TAOK3: variants seen among roughly 807,000 people sequenced by gnomAD.
The protein encoded by TAOK3 is serine/threonine-protein kinase TAO3.
A neutral mutation model predicts 120.4 loss-of-function variants in TAOK3; 40 were observed. That is an observed-to-expected ratio of 0.33 (90% CI 0.26 to 0.43). The LOEUF (loss-of-function observed/expected upper bound fraction) is 0.43. Ranked by LOEUF, TAOK3 falls within the 20% of genes least tolerant of loss-of-function variation. TAOK3 has a pLI of 1.00. For synonymous variants in TAOK3, 355 were observed against 387.5 expected (o/e 0.92, Z 0.99); for missense variants, 821 against 1,112.1 (o/e 0.74, Z 3.72).
At chr12:118,342,151 T>G (rs75355139) in intron 1 of TAOK3, among the ~76,000 whole-genome samples, 2,132 of 152,300 alleles carry the variant, frequency 0.014, 52 homozygotes, top group African/African-American at 0.049. Context: ...ATCACAGGAT[T>G]TCAGAGTTGG....
intron 1 of TAOK3, among the ~76,000 whole-genome samples, chr12:118,359,999 C>G (rs1176978386): frequency 1.3e-5 from 2 of 152,200 alleles, no homozygotes; most frequent in Non-Finnish European, 2.9e-5. Flanking sequence ...GGCGTGGTGG[C>G]TCACACCTGT....
intron 1 of TAOK3, among the ~76,000 whole-genome samples, chr12:118,361,324 G>T (rs879370909): frequency 1.4e-4 from 22 of 152,136 alleles, no homozygotes; most frequent in Non-Finnish European, 2.8e-4. Flanking sequence ...AGTAGGAATG[G>T]CTTTCATTTG....
intron 9 of TAOK3, among the ~76,000 whole-genome samples, chr12:118,217,900 C>T (rs2039016658): frequency 2.5e-5 from 3 of 121,750 alleles, no homozygotes; most frequent in Admixed American, 1.0e-4. Flanking sequence ...CTCGCTCTGT[C>T]ACCAGGGTGG....
chr12:118,259,815 C>G (rs1366276023), intron 2 of TAOK3, among the ~76,000 whole-genome samples: 1 of 152,018 alleles, frequency 6.6e-6, no homozygotes, highest in African/African-American at 2.4e-5. Context: ...GGCAGAGTGT[C>G]AAATAGAAGA....
At chr12:118,320,053 G>T (rs2043636373) in intron 1 of TAOK3, among the ~76,000 whole-genome samples, 2 of 152,176 alleles carry the variant, frequency 1.3e-5, no homozygotes, top group South Asian at 4.1e-4. Flanking sequence ...AGATGTTACA[G>T]CATGGATGAA....
intron 1 of TAOK3, among the ~76,000 whole-genome samples, chr12:118,368,477 C>T (rs867145554): frequency 1.8e-4 from 27 of 149,036 alleles, no homozygotes; most frequent in East Asian, 4.2e-4. Context: ...GGATTACAGG[C>T]GTGAGCCACC....
intron 1 of TAOK3, among the ~76,000 whole-genome samples, chr12:118,364,590 C>G (rs766623352): frequency 6.6e-6 from 1 of 152,168 alleles, no homozygotes; most frequent in Non-Finnish European, 1.5e-5. Context: ...AGAACACACA[C>G]ACAATATGAA....
intron 13 of TAOK3, among the ~76,000 whole-genome samples, chr12:118,191,086 T>C (rs758900144): frequency 2.0e-5 from 3 of 152,334 alleles, no homozygotes; most frequent in Admixed American, 6.5e-5. Context: ...TTTTTTATAA[T>C]GGCTTTTTTC....
intron 1 of TAOK3, among the ~76,000 whole-genome samples, chr12:118,292,690 G>A (rs1169890945): frequency 6.6e-6 from 1 of 152,148 alleles, no homozygotes; most frequent in Non-Finnish European, 1.5e-5. Context: ...ATGACATGAA[G>A]GATTTCAGAA....
chr12:118,225,453 A>G (rs918744971), intron 9 of TAOK3, among the ~76,000 whole-genome samples: 9 of 151,860 alleles, frequency 5.9e-5, no homozygotes, highest in Non-Finnish European at 8.8e-5. Flanking sequence ...TGCTAGGGAG[A>G]TGAAAATGTA....
chr12:118,258,778 G>T (rs1055230712), intron 2 of TAOK3, among the ~76,000 whole-genome samples: 1 of 150,762 alleles, frequency 6.6e-6, no homozygotes. Context: ...AACAAAAAAA[G>T]AATCAATGGA....
intron 1 of TAOK3, among the ~76,000 whole-genome samples, chr12:118,308,796 G>A (rs1204628518): frequency 1.3e-5 from 2 of 151,776 alleles, no homozygotes; most frequent in African/African-American, 4.8e-5. Context: ...CAGGCGTGGT[G>A]GCACATGCCT....
chr12:118,318,831 T>C (rs763035667), intron 1 of TAOK3, among the ~76,000 whole-genome samples: 1 of 152,200 alleles, frequency 6.6e-6, no homozygotes, highest in Non-Finnish European at 1.5e-5. Flanking sequence ...TCAACCCAAG[T>C]GTCCGTCAGT....
chr12:118,225,246 CAAAAAA>C (rs34923071), intron 9 of TAOK3, among the ~76,000 whole-genome samples: 1 of 75,864 alleles, frequency 1.3e-5, no homozygotes. Context: ...GAGACTGTCT[CAAAAAA>C]AAAAAAAAAA....
intron 1 of TAOK3, among the ~76,000 whole-genome samples, chr12:118,279,555 TGTAA>T: frequency 6.6e-6 from 1 of 151,918 alleles, no homozygotes; most frequent in East Asian, 1.9e-4. Context: ...AGGTTTTACA[TGTAA>T]GTCTTTAATC....
At chr12:118,315,161 G>C (rs917135922) in intron 1 of TAOK3, among the ~76,000 whole-genome samples, 2 of 152,140 alleles carry the variant, frequency 1.3e-5, no homozygotes, top group Non-Finnish European at 2.9e-5. Context: ...CTGACCTCAA[G>C]TGATCTGCCC....
At chr12:118,278,030 AC>A (rs2140382020) in intron 1 of TAOK3, among the ~76,000 whole-genome samples, 1 of 152,190 alleles carries the variant, frequency 6.6e-6, no homozygotes, top group Admixed American at 6.5e-5. Context: ...ATTTTCACAC[AC>A]AGTCAAGTTT....
chr12:118,347,166 G>T (rs2044897226), intron 1 of TAOK3, among the ~76,000 whole-genome samples: 1 of 151,964 alleles, frequency 6.6e-6, no homozygotes, highest in African/African-American at 2.4e-5. Context: ...ACCACACCCA[G>T]CTAATTTTTT....
At chr12:118,285,951 A>G (rs1332494331) in intron 1 of TAOK3, among the ~76,000 whole-genome samples, 4 of 152,228 alleles carry the variant, frequency 2.6e-5, no homozygotes, top group African/African-American at 7.2e-5. Flanking sequence ...GGTGGCTTCC[A>G]GGTCACAGGT....
Sources: gnomAD v4.1 joint callset for allele counts (sites outside exome capture counted in the v4.1 genomes callset) on GRCh38, gnomAD v4.1.1 for gene constraint, MANE v1.5 for transcripts, NCBI Gene and HGNC (gene_info 2026-07-23, HGNC 2026-07-21) for gene names.